CCDC18: variants seen among roughly 807,000 people sequenced by gnomAD.
CCDC18 encodes coiled-coil domain-containing protein 18.
Under a neutral mutation model 196.0 loss-of-function variants are expected in CCDC18, and 157 were observed. The observed-to-expected ratio is 0.80, with a 90% CI of 0.70 to 0.91. The LOEUF (loss-of-function observed/expected upper bound fraction) is 0.91, where lower values mean the gene tolerates loss of function less well. Ranked by LOEUF, CCDC18 falls within the 40% of genes least tolerant of loss-of-function variation. The pLI, the probability that CCDC18 is intolerant of heterozygous loss-of-function variation, is 0.00. For synonymous variants in CCDC18, 482 were observed against 529.2 expected, an observed-to-expected ratio of 0.91 and a Z score of 1.22; for missense variants, 1,465 against 1,611.6, an observed-to-expected ratio of 0.91 and a Z score of 1.56.
intron 7 of CCDC18, among the ~76,000 whole-genome samples, chr1:93,204,338 T>C (rs1254465223): frequency 6.6e-6 from 1 of 152,168 alleles, no homozygotes; most frequent in African/African-American, 2.4e-5. Context: ...TTGAATTAAA[T>C]GTCTTTGGTC....
intron 14 of CCDC18, 74 bp downstream of exon 14, chr1:93,217,943 T>C: frequency 8.0e-7 from 1 of 1,250,586 alleles, no homozygotes; most frequent in Non-Finnish European, 1.1e-6. Flanking sequence ...TTTTTTATTT[T>C]GTAGACGAGG....
At chr1:93,205,876 A>G (rs1654627583) in intron 8 of CCDC18, among the ~76,000 whole-genome samples, 1 of 152,194 alleles carries the variant, frequency 6.6e-6, no homozygotes, top group Non-Finnish European at 1.5e-5. Context: ...ATATATTTAG[A>G]GAAAATTAAT....
chr1:93,179,962 G>A (rs971195331), upstream of CCDC18: 4 of 1,370,856 alleles, frequency 2.9e-6, no homozygotes, highest in East Asian at 2.6e-5. Context: ...TCACCACCAG[G>A]GCCGTCCACC....
chr1:93,275,704 C>T (rs1665584880), intron 28 of CCDC18, among the ~76,000 whole-genome samples: 1 of 152,142 alleles, frequency 6.6e-6, no homozygotes, highest in Non-Finnish European at 1.5e-5. Flanking sequence ...CTGGATTAAT[C>T]ATTAAGGAAA....
At chr1:93,269,372 A>G (rs1664979841) in intron 27 of CCDC18, among the ~76,000 whole-genome samples, 1 of 151,810 alleles carries the variant, frequency 6.6e-6, no homozygotes, top group South Asian at 2.1e-4. Context: ...ACATGTATAC[A>G]TATGTAACAA....
chr1:93,247,175 C>T (rs866549769), intron 23 of CCDC18, among the ~76,000 whole-genome samples: 5 of 152,046 alleles, frequency 3.3e-5, no homozygotes, highest in Non-Finnish European at 7.4e-5. Flanking sequence ...ATCCTCCTGC[C>T]TCGGTCTCCC....
chr1:93,260,861 A>G (rs1043157688), intron 26 of CCDC18, among the ~76,000 whole-genome samples: 4 of 152,168 alleles, frequency 2.6e-5, no homozygotes, highest in Non-Finnish European at 4.4e-5. Flanking sequence ...GAGTGAGAAC[A>G]TGCGGTGTTT....
At chr1:93,214,558 GTATT>G (rs1244016562) in intron 11 of CCDC18, among the ~76,000 whole-genome samples, 181 bp from the exon 12 acceptor site, 1 of 152,116 alleles carries the variant, frequency 6.6e-6, no homozygotes, top group African/African-American at 2.4e-5. Context: ...TCTTTGTTAC[GTATT>G]TAATTTAGAG....
chr1:93,217,704 A>T (rs1400175932), intron 13 of CCDC18, 34 bp from the exon 14 acceptor site: 1 of 1,558,932 alleles, frequency 6.4e-7, no homozygotes. Context: ...CTCCCAAATC[A>T]ATTATACTCC....
chr1:93,182,910 GATATGTA>G lies in CCDC18; in HGVS notation c.-2-439_-2-433del, dbSNP rs528245619. ...AGTTCAAACACCTCATATTGAAATT[GATATGTA>G]ATATGTAATAAAGCTACAATGCGAC... On this transcript the variant is annotated intron_variant, in intron 1 of 28. Coordinates refer to ENST00000690025, the MANE Select transcript of CCDC18 (RefSeq NM_001378204.1). 2.7e-3 allele frequency among the ~76,000 whole-genome samples: 412 copies of G among 152,242 alleles called. 2 individuals are homozygous for G. The highest frequency in any genetic ancestry group is 5.8e-3 in the Admixed American group (88 of 15,290).
chr1:93,274,680 C>T (rs1665532902), intron 28 of CCDC18, among the ~76,000 whole-genome samples: 1 of 151,878 alleles, frequency 6.6e-6, no homozygotes, highest in Admixed American at 6.6e-5. Flanking sequence ...CCGATCTCTA[C>T]AGAAAAATAA....
intron 18 of CCDC18, 51 bp downstream of exon 18, chr1:93,232,644 T>A: frequency 7.4e-7 from 1 of 1,356,030 alleles, no homozygotes; most frequent in Non-Finnish European, 1.0e-6. Context: ...TAGAAATTTT[T>A]AAAATCATGA....
intron 4 of CCDC18, among the ~76,000 whole-genome samples, chr1:93,188,287 C>T (rs1005036092): frequency 3.3e-5 from 5 of 152,312 alleles, no homozygotes; most frequent in Admixed American, 3.3e-4. Context: ...AATGGTTGTA[C>T]TTACTCTTCT....
In CCDC18 at chr1:93,238,376, T is replaced by C. The variant is rs1378701412; in HGVS notation, c.2604-934T>C. ...TGTCTTCTATACATAGATGTATACA[T>C]GTACATTATACATGTATAATTTTGC... On this transcript the variant is annotated intron_variant, in intron 19 of 28. Coordinates refer to ENST00000690025, the MANE Select transcript of CCDC18 (RefSeq NM_001378204.1). Among the ~76,000 whole-genome samples the C allele has an allele frequency of 2.6e-5, 4 of 152,320 alleles. No homozygotes were observed. In the South Asian group the frequency reaches 8.3e-4, roughly 32 times the overall value.
At chr1:93,267,242 C>T in intron 27 of CCDC18, among the ~76,000 whole-genome samples, 1 of 152,188 alleles carries the variant, frequency 6.6e-6, no homozygotes, top group East Asian at 1.9e-4. Context: ...CAAAATTCAA[C>T]AGCCCTTCAT....
rs1358076415 is a variant in CCDC18, at chr1:93,264,890, T to C, written c.3874T>C (p.Leu1292=). 5 of 1,604,010 alleles carry C rather than the reference T, an allele frequency of 3.1e-6. No individual in the cohort carries two copies. The highest frequency in any genetic ancestry group is 2.2e-5 in the South Asian group (2 of 90,824). ...AGTAATTGAAGCTGCAAATGAAGCA[T>C]TACTTACTAAAGTAAGTAAACATAT... ...NEVIEAANEA[L]LTKESELTRL... is the part of the protein sequence containing the mutation. Residue 1292 remains leucine, a synonymous_variant, in exon 27 of 29, where the codon TTA becomes CTA. Transcript: ENST00000690025.
At chr1:93,190,156 A>C (rs983585722) in intron 4 of CCDC18, among the ~76,000 whole-genome samples, 4 of 150,808 alleles carry the variant, frequency 2.7e-5, no homozygotes, top group African/African-American at 4.9e-5. Flanking sequence ...TGTTTGCTTT[A>C]CTTTCCTTTT....
At chr1:93,210,624 A>G (rs1655463096) in intron 9 of CCDC18, among the ~76,000 whole-genome samples, 178 bp from the exon 10 acceptor site, 2 of 152,046 alleles carry the variant, frequency 1.3e-5, no homozygotes, top group Admixed American at 6.6e-5. Context: ...ATTTCTTTTA[A>G]CTATTGTAGT....
chr1:93,245,391 A>G (rs988621426), intron 21 of CCDC18, among the ~76,000 whole-genome samples: 2 of 152,180 alleles, frequency 1.3e-5, no homozygotes. Context: ...ATCTTCTTTT[A>G]AAAATTAGTA....
Sources: allele counts gnomAD v4.1 joint callset (sites outside exome capture counted in the v4.1 genomes callset), GRCh38; gene constraint gnomAD v4.1.1; transcripts MANE v1.5; gene names NCBI Gene and HGNC (gene_info 2026-07-23, HGNC 2026-07-21).